VAV2: variants seen among roughly 807,000 people sequenced by gnomAD.
VAV2 encodes the protein guanine nucleotide exchange factor VAV2.
A neutral mutation model predicts 132.5 loss-of-function variants in VAV2; 67 were observed. That is an observed-to-expected ratio of 0.51 (90% CI 0.42 to 0.62). The LOEUF (loss-of-function observed/expected upper bound fraction) is 0.62, where lower values mean the gene tolerates loss of function less well. Ranked by LOEUF, VAV2 falls within the 20% of genes least tolerant of loss-of-function variation. VAV2 has a pLI of 0.00. For missense variants in VAV2, 938 were observed against 1,153.6 expected (o/e 0.81, Z 2.71); for synonymous variants, 492 against 443.5 (o/e 1.11, Z -1.37).
rs1238346104 is a variant in VAV2 at position 133,785,582 on chromosome 9, T to G, written c.1532+194A>C. 2.0e-5 allele frequency among the ~76,000 whole-genome samples: 3 copies of G among 152,302 alleles called. No homozygotes were observed. The East Asian group carries it at 5.8e-4, about 29-fold the overall frequency. ...GAGGGAGAGCCCTCTCACTCTGGAC[T>G]GATTGTTAAAGAGGATGTCACTGCT... On this transcript the variant is annotated intron_variant, in intron 17 of 29. Coordinates refer to ENST00000371850, the MANE Select transcript of VAV2 (RefSeq NM_001134398.2).
intron 3 of VAV2, among the ~76,000 whole-genome samples, chr9:133,856,390 G>T (rs1213662426): frequency 6.6e-6 from 1 of 151,948 alleles, no homozygotes; most frequent in Non-Finnish European, 1.5e-5. Context: ...GAGGAGCCAG[G>T]GTTGAGCCCC....
At chr9:133,894,353 C>T (rs920830010) in intron 2 of VAV2, among the ~76,000 whole-genome samples, 1 of 152,228 alleles carries the variant, frequency 6.6e-6, no homozygotes, top group Non-Finnish European at 1.5e-5. Context: ...GCTCCTTCAA[C>T]AAAGGCTGGT....
chr9:133,893,481 C>T (rs1194257711), intron 2 of VAV2, among the ~76,000 whole-genome samples: 4 of 152,222 alleles, frequency 2.6e-5, no homozygotes, highest in Non-Finnish European at 5.9e-5. Flanking sequence ...GGACCTGCCC[C>T]GCACGGCCGC....
rs189296172 is a variant in VAV2 at position 133,813,241 on chromosome 9, A to G, written c.450-1025T>C. ...GACACATCTCACATCCCGGGCTCAA[A>G]GTGGGTGGCAAAGTTCACTGCTAGA... On this transcript the variant is annotated intron_variant, in intron 4 of 29. Coordinates refer to ENST00000371850, the MANE Select transcript of VAV2 (RefSeq NM_001134398.2). 1.0e-3 allele frequency among the ~76,000 whole-genome samples: 155 copies of G among 152,310 alleles called. 2 individuals carry two copies. Among genetic ancestry groups the G allele is most frequent in the Non-Finnish European group, 2.8e-4 (19 of 68,018 alleles).
Position 133,833,804 on chromosome 9 carries a change from C to A in VAV2, c.449+468G>T, listed in dbSNP as rs1836356926. Among the ~76,000 whole-genome samples the A allele has an allele frequency of 6.6e-6, 1 of 151,922 alleles. No homozygotes were observed. The highest frequency in any genetic ancestry group is 2.1e-4 in the South Asian group (1 of 4,808). On this transcript the variant is annotated intron_variant, in intron 4 of 29. Transcript: ENST00000371850. The surrounding 1 kb of genome is among the most constrained non-coding windows in gnomAD (Gnocchi z 5.6). The stretch of plus-strand genomic sequence containing the variant: ...GCGGGTCCACCGAGGCAGGGCAGTG[C>A]CTGCCGGGCCACGTGTTAACCCCGA...
Position 133,834,000 on chromosome 9 carries a change from C to T in VAV2, c.449+272G>A, listed in dbSNP as rs1836363731. ...CCTGCTAGGGCAATGGGCCAACACC[C>T]GGGCCAGCCATTAGACTGGCTGGGC... On this transcript the variant is annotated intron_variant, in intron 4 of 29. Coordinates refer to ENST00000371850, the MANE Select transcript of VAV2 (RefSeq NM_001134398.2). The surrounding 1 kb of genome is among the most constrained non-coding windows in gnomAD (Gnocchi z 5.6). Among the ~76,000 whole-genome samples the T allele has an allele frequency of 3.3e-5, 5 of 152,174 alleles. No homozygotes were observed. Among genetic ancestry groups the T allele is most frequent in the South Asian group, 2.1e-4 (1 of 4,828 alleles).
At chr9:133,782,723 T>G (rs1834054799) in intron 19 of VAV2, among the ~76,000 whole-genome samples, 1 of 152,164 alleles carries the variant, frequency 6.6e-6, no homozygotes, top group Non-Finnish European at 1.5e-5. Flanking sequence ...GGCTCTTTGT[T>G]GAATAGAAGC....
At chr9:133,902,200 A>G (rs990062139) in intron 2 of VAV2, among the ~76,000 whole-genome samples, 1 of 152,152 alleles carries the variant, frequency 6.6e-6, no homozygotes, top group Non-Finnish European at 1.5e-5. Flanking sequence ...TTGTCTATAC[A>G]CTGGGATAGG....
At chr9:133,923,517 A>G (rs1840366994) in intron 2 of VAV2, among the ~76,000 whole-genome samples, 1 of 152,196 alleles carries the variant, frequency 6.6e-6, no homozygotes, top group East Asian at 1.9e-4. Flanking sequence ...GGATGTGGAG[A>G]AATAGGAACG....
chr9:133,936,476 C>G (rs909224426), intron 2 of VAV2, among the ~76,000 whole-genome samples: 1 of 152,154 alleles, frequency 6.6e-6, no homozygotes, highest in Non-Finnish European at 1.5e-5. Context: ...CTCCTAACTT[C>G]AAATGATCCG....
At chr9:133,828,750 C>T (rs1416552479) in intron 4 of VAV2, among the ~76,000 whole-genome samples, 1 of 152,244 alleles carries the variant, frequency 6.6e-6, no homozygotes, top group Non-Finnish European at 1.5e-5. Flanking sequence ...CCTTGTCCCA[C>T]AATAGCACAA....
At chr9:133,959,909 C>T (rs898622809) in intron 1 of VAV2, among the ~76,000 whole-genome samples, 1 of 152,180 alleles carries the variant, frequency 6.6e-6, no homozygotes, top group Non-Finnish European at 1.5e-5. Context: ...CCCTGATGTC[C>T]CTGAGAATTC....
At chr9:133,917,435 CTCTT>C (rs1472768276) in intron 2 of VAV2, among the ~76,000 whole-genome samples, 1,728 of 89,908 alleles carry the variant, frequency 0.019, 30 homozygotes, top group African/African-American at 0.08. Flanking sequence ...AAACAGAAAA[CTCTT>C]TCTTTTTTTT....
chr9:133,911,627 GCC>G (rs1235815165), intron 2 of VAV2, among the ~76,000 whole-genome samples: 4 of 152,220 alleles, frequency 2.6e-5, no homozygotes, highest in African/African-American at 7.2e-5. Context: ...CACTCCTGAG[GCC>G]TAAGTCAGGG....
chr9:133,842,359 C>A (rs1836758060), intron 3 of VAV2, among the ~76,000 whole-genome samples: 1 of 152,238 alleles, frequency 6.6e-6, no homozygotes. Context: ...GCTCCTCGCC[C>A]AGCCGGAGCA....
chr9:133,849,317 C>T (rs968651832), intron 3 of VAV2, among the ~76,000 whole-genome samples: 1 of 152,194 alleles, frequency 6.6e-6, no homozygotes, highest in African/African-American at 2.4e-5. Flanking sequence ...CCCCAAACCT[C>T]CCCCACCAGC....
chr9:133,799,030 C>T (rs918963059), intron 9 of VAV2, among the ~76,000 whole-genome samples: 3 of 152,200 alleles, frequency 2.0e-5, no homozygotes, highest in African/African-American at 4.8e-5. Flanking sequence ...GTAGGGCACC[C>T]GGCCTGGGGC....
intron 1 of VAV2, among the ~76,000 whole-genome samples, chr9:133,974,618 A>C (rs1415635935): frequency 6.6e-6 from 1 of 152,162 alleles, no homozygotes; most frequent in Non-Finnish European, 1.5e-5. Context: ...AGTTGCCCAA[A>C]GGCATGAGCA....
chr9:133,781,200 T>C (rs1469043468), intron 19 of VAV2, among the ~76,000 whole-genome samples: 4 of 152,208 alleles, frequency 2.6e-5, no homozygotes, highest in Non-Finnish European at 5.9e-5. Flanking sequence ...GCATGCTACC[T>C]GCTTGCCATC....
Sources: gnomAD v4.1 joint callset for allele counts (sites outside exome capture counted in the v4.1 genomes callset) on GRCh38, gnomAD v4.1.1 for gene constraint, Gnocchi (gnomAD v3.1) non-coding constraint, MANE v1.5 for transcripts, NCBI Gene and HGNC (gene_info 2026-07-23, HGNC 2026-07-21) for gene names.